Variants in SETD3 observed in about 807,000 individuals in gnomAD.
SETD3 encodes the protein actin-histidine N-methyltransferase.
Under a neutral mutation model 63.0 loss-of-function variants are expected in SETD3, and 19 were observed. The ratio of observed to expected loss-of-function variants is 0.30; its 90% CI spans 0.21 to 0.44. The LOEUF is 0.44. Among genes scored for constraint, SETD3 ranks in the 20% least tolerant of loss-of-function variants. SETD3 has a pLI of 1.00. For missense variants in SETD3, 587 were observed against 728.5 expected (o/e 0.81, Z 2.24); for synonymous variants, 286 against 264.1 (o/e 1.08, Z -0.80).
intron 6 of SETD3, among the ~76,000 whole-genome samples, chr14:99,455,446 T>C (rs1027277316): frequency 2.0e-5 from 3 of 152,264 alleles, no homozygotes; most frequent in African/African-American, 4.8e-5. Flanking sequence ...CAAGTATCTC[T>C]AAACCTGGTC....
the SETD3 span, among the ~76,000 whole-genome samples, chr14:99,486,215 T>G: frequency 4.6e-5 from 7 of 152,216 alleles, no homozygotes; most frequent in African/African-American, 1.7e-4. Flanking sequence ...ATCCCATGGT[T>G]TGTTTTGCAA....
chr14:99,433,501 G>A (rs1201332641), intron 6 of SETD3, among the ~76,000 whole-genome samples: 2 of 151,684 alleles, frequency 1.3e-5, no homozygotes, highest in Non-Finnish European at 2.9e-5. Flanking sequence ...GTAGTGGTGC[G>A]ATCTTGGCTC....
chr14:99,415,162 C>T (rs1436458340), intron 6 of SETD3, among the ~76,000 whole-genome samples: 1 of 152,220 alleles, frequency 6.6e-6, no homozygotes, highest in African/African-American at 2.4e-5. Flanking sequence ...ACCCGATCAA[C>T]TGGGAACTTT....
At chr14:99,481,179 G>C, upstream of SETD3, 1 of 380,580 alleles carries the variant, frequency 2.6e-6, no homozygotes, top group Admixed American at 4.5e-5. Flanking sequence ...GGTTGCTCCA[G>C]AATGCCTTTT....
intron 6 of SETD3, among the ~76,000 whole-genome samples, chr14:99,439,895 C>T (rs558197554): frequency 6.6e-6 from 1 of 151,830 alleles, no homozygotes; most frequent in Non-Finnish European, 1.5e-5. Flanking sequence ...GGGCTCAAAC[C>T]ATCCTCTCAC....
intron 6 of SETD3, among the ~76,000 whole-genome samples, chr14:99,431,257 A>T (rs1167658489): frequency 2.0e-5 from 3 of 152,180 alleles, no homozygotes; most frequent in African/African-American, 4.8e-5. Context: ...CATACTTCTC[A>T]TCCAATCTTT....
At chr14:99,465,268 G>A (rs948482616) in intron 2 of SETD3, among the ~76,000 whole-genome samples, 2 of 152,214 alleles carry the variant, frequency 1.3e-5, no homozygotes, top group Admixed American at 1.3e-4. Context: ...AACAGCCCGT[G>A]AAGTACCTTC....
At chr14:99,408,660 T>C (rs924633059) in intron 8 of SETD3, among the ~76,000 whole-genome samples, 2 of 152,204 alleles carry the variant, frequency 1.3e-5, no homozygotes, top group Admixed American at 6.5e-5. Context: ...TAGTTTAACA[T>C]GTCCACAGCA....
chr14:99,399,741 ATTTTTTT>A (rs150317244), intron 12 of SETD3, among the ~76,000 whole-genome samples: 5 of 127,728 alleles, frequency 3.9e-5, no homozygotes, highest in Non-Finnish European at 4.9e-5. Flanking sequence ...CTTTCATTAA[ATTTTTTT>A]TTTTTTTTTT....
intron 5 of SETD3, 78 bp downstream of exon 5, chr14:99,459,035 T>C: frequency 9.6e-7 from 1 of 1,043,118 alleles, no homozygotes; most frequent in Non-Finnish European, 1.4e-6. Flanking sequence ...CCAAGTATTA[T>C]CCTTAGTGCC....
intron 6 of SETD3, among the ~76,000 whole-genome samples, chr14:99,418,463 C>G (rs1416206660): frequency 6.6e-6 from 1 of 152,120 alleles, no homozygotes; most frequent in East Asian, 1.9e-4. Context: ...AGATCAGTCA[C>G]AAACTCTCAC....
rs1896271870 is a variant in SETD3 at position 99,480,823 on chromosome 14, C to T, written c.-104G>A. The T allele has an allele frequency of 1.2e-5, 2 of 162,342 alleles. No homozygotes were observed. The highest frequency in any genetic ancestry group is 2.6e-5 in the Non-Finnish European group (2 of 76,966). The allele number at this position is 162,342 out of a possible 1,614,324, so 10.1% of individuals were successfully genotyped here. On this transcript the variant is annotated 5_prime_UTR_variant, in exon 1 of 13. Coordinates refer to ENST00000331768, the MANE Select transcript of SETD3 (RefSeq NM_032233.3). ...CCCCAGGCGGTGGCGGCGGTGGCGGCGGCGGCGGCCGGACGGGAGGGGCGG... is the reference window on the plus strand; with the variant it reads ...CCCCAGGCGGTGGCGGCGGTGGCGGTGGCGGCGGCCGGACGGGAGGGGCGG...
chr14:99,464,097 C>A (rs1183696531), intron 2 of SETD3, among the ~76,000 whole-genome samples: 1 of 152,182 alleles, frequency 6.6e-6, no homozygotes, highest in Non-Finnish European at 1.5e-5. Flanking sequence ...ATGTGTACGG[C>A]ACTATATTCA....
At chr14:99,404,587 A>G (rs908296424) in intron 10 of SETD3, among the ~76,000 whole-genome samples, 7 of 152,022 alleles carry the variant, frequency 4.6e-5, no homozygotes, top group Non-Finnish European at 1.0e-4. Context: ...CACATAATAC[A>G]TTCAAAAATT....
intron 11 of SETD3, among the ~76,000 whole-genome samples, chr14:99,401,709 A>G (rs747874079): frequency 6.6e-6 from 1 of 152,226 alleles, no homozygotes; most frequent in Non-Finnish European, 1.5e-5. Context: ...TTTGCATACA[A>G]CATGGACGTT....
intron 3 of SETD3, among the ~76,000 whole-genome samples, 186 bp downstream of exon 3, chr14:99,463,300 G>A (rs955655687): frequency 6.6e-6 from 1 of 152,170 alleles, no homozygotes; most frequent in African/African-American, 2.4e-5. Context: ...TCCGAAGCAG[G>A]TAATAGCATC....
At chr14:99,407,771 G>T (rs891180700) in intron 8 of SETD3, among the ~76,000 whole-genome samples, 1 of 152,038 alleles carries the variant, frequency 6.6e-6, no homozygotes, top group African/African-American at 2.4e-5. Context: ...ATGCGCTCCA[G>T]CCCAAGTCAC....
rs182858424 is a variant in SETD3, at chr14:99,466,038, C to G, written c.-8-225G>C. Among the ~76,000 whole-genome samples the G allele has an allele frequency of 2.6e-5, 4 of 151,700 alleles. No homozygotes were observed. The East Asian group carries it at 7.7e-4, about 29-fold the overall frequency. On this transcript the variant is annotated intron_variant, in intron 1 of 12. Coordinates refer to ENST00000331768, the MANE Select transcript of SETD3 (RefSeq NM_032233.3). ...GTAGTCTCTGGAAGAAAAGTTCGTT[C>G]TTTTTCACCTACAAAAACTATAGTA...
intron 1 of SETD3, among the ~76,000 whole-genome samples, chr14:99,472,767 C>G (rs373959756): frequency 2.7e-4 from 41 of 152,096 alleles, no homozygotes; most frequent in African/African-American, 9.4e-4. Context: ...AAAGTTTAGA[C>G]TGAAATCAGG....
Sources: gnomAD v4.1 joint callset for allele counts (sites outside exome capture counted in the v4.1 genomes callset) on GRCh38, gnomAD v4.1.1 for gene constraint, MANE v1.5 for transcripts, NCBI Gene and HGNC (gene_info 2026-07-23, HGNC 2026-07-21) for gene names.